Variants in DCAF1 observed in about 807,000 individuals in gnomAD.
DCAF1 encodes DDB1 and CUL4 associated factor 1.
In DCAF1, 15 loss-of-function variants were observed where a neutral mutation model predicts 128.0. That is an observed-to-expected ratio of 0.12 (90% CI 0.08 to 0.18). DCAF1 has a LOEUF of 0.18. Ranked by LOEUF, DCAF1 falls within the 10% of genes least tolerant of loss-of-function variation. DCAF1 has a pLI of 1.00. For missense variants in DCAF1, 988 were observed against 1,649.5 expected, an observed-to-expected ratio of 0.60 and a Z score of 6.95; for synonymous variants, 610 against 603.0, an observed-to-expected ratio of 1.01 and a Z score of -0.17.
At chr3:51,465,607 G>C (rs1704048613) in intron 5 of DCAF1, among the ~76,000 whole-genome samples, 1 of 152,112 alleles carries the variant, frequency 6.6e-6, no homozygotes, top group Non-Finnish European at 1.5e-5. Flanking sequence ...AGCCTGGCGT[G>C]GTGGTGCATC....
At chr3:51,457,680 A>T (rs1362233460) in intron 6 of DCAF1, among the ~76,000 whole-genome samples, 9 of 152,040 alleles carry the variant, frequency 5.9e-5, no homozygotes, top group Non-Finnish European at 1.0e-4. Flanking sequence ...CGGGTTACCC[A>T]CAAAGGGAAG....
chr3:51,497,606 T>A (rs1470248531), intron 1 of DCAF1, among the ~76,000 whole-genome samples: 2 of 148,404 alleles, frequency 1.3e-5, no homozygotes, highest in Non-Finnish European at 3.0e-5. Context: ...AAAAAAAAAT[T>A]TTTTTTAAAT....
At chr3:51,444,075 G>A (rs939925080) in intron 6 of DCAF1, among the ~76,000 whole-genome samples, 172 bp from the exon 7 acceptor site, 2 of 152,074 alleles carry the variant, frequency 1.3e-5, no homozygotes, top group African/African-American at 2.4e-5. Flanking sequence ...AAGTATCTGT[G>A]CAATAGAAGC....
At chr3:51,500,116 GAAAAAAAAAAAAAAAAAAAAAAAAAAA>G (rs55767863), upstream of DCAF1, 1 of 27,836 alleles carries the variant, frequency 3.6e-5, no homozygotes, top group South Asian at 2.4e-3. Flanking sequence ...CACGATCGGG[GAAAAAAAAAAAAAAAAAAAAAAAAAAA>G]AAAAAAAAAT....
chr3:51,502,285 A>G (rs1708839311), upstream of DCAF1, among the ~76,000 whole-genome samples: 1 of 152,148 alleles, frequency 6.6e-6, no homozygotes, highest in Non-Finnish European at 1.5e-5. Flanking sequence ...CATGCCTGTA[A>G]TCCCAGCACT....
chr3:51,468,872 G>C (rs1157512928), intron 4 of DCAF1, among the ~76,000 whole-genome samples: 1 of 152,074 alleles, frequency 6.6e-6, no homozygotes, highest in East Asian at 1.9e-4. Context: ...TCCATCTCCA[G>C]GCAATGACAT....
intron 3 of DCAF1, among the ~76,000 whole-genome samples, chr3:51,479,971 G>A (rs375095515): frequency 1.3e-5 from 2 of 151,714 alleles, no homozygotes; most frequent in African/African-American, 4.8e-5. Context: ...TTTGCAGTGA[G>A]GAGTCTGAAA....
chr3:51,488,809 A>G (rs1279473570), intron 2 of DCAF1, among the ~76,000 whole-genome samples: 1 of 152,060 alleles, frequency 6.6e-6, no homozygotes, highest in Non-Finnish European at 1.5e-5. Context: ...TCTACAAAAA[A>G]AAAAAATTAT....
chr3:51,395,952 A>AGTT (rs759638316), downstream of DCAF1: 10 of 413,386 alleles, frequency 2.4e-5, no homozygotes, highest in African/African-American at 4.1e-5. Flanking sequence ...TAAGCAAGTC[A>AGTT]GTTGGGTACA....
chr3:51,483,291 G>T (rs6793900), intron 3 of DCAF1, among the ~76,000 whole-genome samples: 135,380 of 151,632 alleles, frequency 0.89, 60,601 homozygotes, highest in African/African-American at 0.95. Context: ...AATATAAAAA[G>T]TAGCCGGGCA....
At chr3:51,406,150 C>T (rs1018956068) in intron 23 of DCAF1, among the ~76,000 whole-genome samples, 1 of 151,648 alleles carries the variant, frequency 6.6e-6, no homozygotes, top group Non-Finnish European at 1.5e-5. Context: ...AAGACCATCC[C>T]GGCTAACACA....
chr3:51,468,670 AAAC>A (rs1553647359), intron 4 of DCAF1, among the ~76,000 whole-genome samples: 1 of 152,168 alleles, frequency 6.6e-6, no homozygotes, highest in Non-Finnish European at 1.5e-5. Flanking sequence ...AGTATCACAA[AAAC>A]AAACAAGGAC....
chr3:51,431,205 T>C (rs1700338003), intron 10 of DCAF1, among the ~76,000 whole-genome samples: 1 of 151,966 alleles, frequency 6.6e-6, no homozygotes, highest in African/African-American at 2.4e-5. Context: ...TACGTATGTG[T>C]AACCCATTTA....
chr3:51,485,381 G>A (rs1037958753), intron 2 of DCAF1, among the ~76,000 whole-genome samples: 2 of 152,190 alleles, frequency 1.3e-5, no homozygotes, highest in Admixed American at 1.3e-4. Context: ...AAGGTTGGCT[G>A]GGTTGAGTGG....
chr3:51,464,666 G>C (rs1703949321), intron 5 of DCAF1, among the ~76,000 whole-genome samples: 1 of 151,014 alleles, frequency 6.6e-6, no homozygotes, highest in South Asian at 2.1e-4. Context: ...CACTCAGCGT[G>C]AGATGCTGTC....
intron 6 of DCAF1, among the ~76,000 whole-genome samples, chr3:51,459,687 C>A (rs1464796416): frequency 6.6e-6 from 1 of 152,186 alleles, no homozygotes; most frequent in South Asian, 2.1e-4. Context: ...AATCCAGCAG[C>A]ACATCAAAAA....
At chr3:51,438,613 T>C (rs1553637745) in intron 9 of DCAF1, among the ~76,000 whole-genome samples, 1 of 152,260 alleles carries the variant, frequency 6.6e-6, no homozygotes, top group Non-Finnish European at 1.5e-5. Flanking sequence ...TATTTTCTTT[T>C]GGCTTTCAGG....
At chr3:51,458,623 G>A (rs13089799) in intron 6 of DCAF1, among the ~76,000 whole-genome samples, 17,155 of 151,966 alleles carry the variant, frequency 0.11, 1,921 homozygotes, top group East Asian at 0.33. Flanking sequence ...TCTTTTCAGC[G>A]CCACACCACA....
intron 3 of DCAF1, among the ~76,000 whole-genome samples, chr3:51,478,884 T>C (rs926308855): frequency 1.3e-5 from 2 of 152,128 alleles, no homozygotes; most frequent in African/African-American, 4.8e-5. Flanking sequence ...TATTTTCACA[T>C]GTTCCCCATG....
Sources: gnomAD v4.1 joint callset for allele counts (sites outside exome capture counted in the v4.1 genomes callset) on GRCh38, gnomAD v4.1.1 for gene constraint, MANE v1.5 for transcripts, NCBI Gene and HGNC (gene_info 2026-07-23, HGNC 2026-07-21) for gene names.